MRC2: variants seen among roughly 807,000 people sequenced by gnomAD.
The protein encoded by MRC2 is C-type mannose receptor 2.
A neutral mutation model predicts 206.2 loss-of-function variants in MRC2; 84 were observed. The ratio of observed to expected loss-of-function variants is 0.41; its 90% CI spans 0.34 to 0.49. The LOEUF (loss-of-function observed/expected upper bound fraction) is 0.49, where lower values mean the gene tolerates loss of function less well. Ranked by LOEUF, MRC2 falls within the 20% of genes least tolerant of loss-of-function variation. MRC2 has a pLI of 0.31. For missense variants in MRC2, 1,676 were observed against 2,001.5 expected (o/e 0.84, Z 3.10); for synonymous variants, 798 against 800.0 (o/e 1.00, Z 0.04).
intron 1 of MRC2, among the ~76,000 whole-genome samples, chr17:62,650,080 A>G (rs1395336110): frequency 6.6e-6 from 1 of 151,994 alleles, no homozygotes; most frequent in East Asian, 1.9e-4. Flanking sequence ...TTTTTAGTAG[A>G]GACGGTGTCT....
intron 1 of MRC2, among the ~76,000 whole-genome samples, chr17:62,644,639 T>G (rs1350416102): frequency 1.3e-5 from 2 of 152,062 alleles, no homozygotes; most frequent in Non-Finnish European, 2.9e-5. Flanking sequence ...CCCAGCAGCA[T>G]TTGTGTCCTG....
At chr17:62,646,094 G>A (rs909873687) in intron 1 of MRC2, among the ~76,000 whole-genome samples, 2 of 144,872 alleles carry the variant, frequency 1.4e-5, no homozygotes, top group African/African-American at 2.6e-5. Context: ...GTGCGATCTC[G>A]GCTCACTGCA....
rs201713767 is a variant in MRC2 at position 62,688,847 on chromosome 17, C to A, written c.3226-5C>A. The A allele has an allele frequency of 1.9e-6, 3 of 1,607,090 alleles. No homozygotes were observed. The highest frequency in any genetic ancestry group is 1.3e-5 in the African/African-American group (1 of 74,854). On this transcript the variant is annotated splice_polypyrimidine_tract_variant and splice_region_variant and intron_variant, in intron 22 of 29. Transcript: ENST00000303375. ...GGGCTCCCCTGAGCAGCTCCCTCCC[C>A]CCAGACCAGCTGTGCAGTGGTCCTG...
At chr17:62,653,330 G>A (rs760651032) in intron 1 of MRC2, among the ~76,000 whole-genome samples, 5 of 152,082 alleles carry the variant, frequency 3.3e-5, no homozygotes, top group Non-Finnish European at 5.9e-5. Flanking sequence ...AGAACCCCAG[G>A]GGCGGGGCTA....
At position 62,682,399 on chromosome 17, in the gene MRC2, C is replaced by T. The variant is rs537086109; in HGVS notation, c.2946+22C>T. The T allele has an allele frequency of 1.2e-5, 19 of 1,598,110 alleles. No individual in the cohort carries two copies. The African/African-American group carries it at 2.0e-4, about 17-fold the overall frequency. The stretch of plus-strand genomic sequence containing the variant: ...CAAGGTAGGAGGTGGCAATGGGGCA[C>T]CCAAGGGAGTCAGGGGAGAGGACGT... On this transcript the variant is annotated intron_variant, in intron 20 of 29. Transcript: ENST00000303375.
intron 1 of MRC2, among the ~76,000 whole-genome samples, chr17:62,648,815 T>C (rs567330806): frequency 1.3e-5 from 2 of 152,334 alleles, no homozygotes; most frequent in African/African-American, 4.8e-5. Flanking sequence ...TCTTATCGTT[T>C]CTTCTTATCC....
At position 62,666,036 on chromosome 17, in the gene MRC2, G is replaced by T; in HGVS notation, c.521-58G>T. The T allele has an allele frequency of 6.6e-7, 1 of 1,519,758 alleles. No homozygotes were observed. The highest frequency in any genetic ancestry group is 2.1e-5 in the Admixed American group (1 of 46,634). The allele number at this position is 1,519,758 out of a possible 1,614,324, so 94.1% of individuals were successfully genotyped here. On this transcript the variant is annotated intron_variant, in intron 2 of 29. Coordinates refer to ENST00000303375, the MANE Select transcript of MRC2 (RefSeq NM_006039.5). This position sits in a 1 kb window ranked among gnomAD's most constrained non-coding sequence, Gnocchi z 5.0. ...GGGGATTTCTCCTGAGGGTCGAGGG[G>T]CTTGGCAGCCTCTGGTGTCCAGATG...
chr17:62,639,013 A>G (rs1489273913), intron 1 of MRC2, among the ~76,000 whole-genome samples: 2 of 152,220 alleles, frequency 1.3e-5, no homozygotes, highest in East Asian at 3.9e-4. Flanking sequence ...ACTTGAGGAA[A>G]TTCAGATAGC....
At chr17:62,658,340 G>A (rs1039360638) in intron 1 of MRC2, among the ~76,000 whole-genome samples, 2 of 152,220 alleles carry the variant, frequency 1.3e-5, no homozygotes, top group Admixed American at 1.3e-4. Flanking sequence ...AACATGCCAT[G>A]CACCTAGCAG....
intron 1 of MRC2, among the ~76,000 whole-genome samples, chr17:62,648,142 G>A (rs1000837708): frequency 2.0e-5 from 3 of 152,204 alleles, no homozygotes; most frequent in African/African-American, 4.8e-5. Context: ...AGTGGCTCAC[G>A]CCTGCTATCC....
intron 1 of MRC2, among the ~76,000 whole-genome samples, chr17:62,654,003 G>C (rs1287256048): frequency 6.6e-6 from 1 of 152,164 alleles, no homozygotes; most frequent in Non-Finnish European, 1.5e-5. Context: ...GCAGGGTGGG[G>C]CTGGCAGCTT....
intron 1 of MRC2, among the ~76,000 whole-genome samples, chr17:62,635,977 C>G (rs1463488076): frequency 6.6e-6 from 1 of 151,646 alleles, no homozygotes; most frequent in Non-Finnish European, 1.5e-5. Flanking sequence ...TTAGTAGAGA[C>G]AGGGTTTCAC....
intron 6 of MRC2, among the ~76,000 whole-genome samples, chr17:62,670,626 C>T (rs1366968714): frequency 6.6e-6 from 1 of 152,222 alleles, no homozygotes; most frequent in African/African-American, 2.4e-5. Flanking sequence ...GATCCCAACC[C>T]CTAGAAGGTG....
At chr17:62,674,304 C>T in intron 9 of MRC2, 134 bp downstream of exon 9, 3 of 627,648 alleles carry the variant, frequency 4.8e-6, no homozygotes, top group Non-Finnish European at 8.1e-6. Flanking sequence ...CTGAGCTCTC[C>T]AAACTGCTCC....
At chr17:62,647,186 CTT>C (rs34733419) in intron 1 of MRC2, among the ~76,000 whole-genome samples, 10 of 136,316 alleles carry the variant, frequency 7.3e-5, no homozygotes, top group Admixed American at 2.3e-4. Context: ...TTTTCTTTTT[CTT>C]TTTTTTTTTT....
At chr17:62,690,540 A>G in intron 26 of MRC2, 102 bp from the exon 27 acceptor site, 2 of 1,492,026 alleles carry the variant, frequency 1.3e-6, no homozygotes, top group Non-Finnish European at 1.8e-6. Flanking sequence ...ACTCCACACC[A>G]TCCTCTACTC....
rs768024554 is a variant in MRC2 at position 62,676,466 on chromosome 17, C to T, written c.1769C>T (p.Thr590Ile). The change falls in exon 11 of 30, where the codon ACC becomes ATC. Residue 590 changes from threonine (T) to isoleucine (I), a missense_variant. Thr to Ile is a moderately conservative substitution (Grantham distance 89, BLOSUM62 -1). Around this residue, in one of 3 missense-constraint regions of MRC2, gnomAD observed 1,354 missense variants for 1,636.6 expected, o/e 0.83. Coordinates refer to ENST00000303375, the MANE Select transcript of MRC2 (RefSeq NM_006039.5). ...FWTALQDLNS[T>I]GSFFWLSGDE... Reference sequence around the variant, plus strand: ...ACGGCCCTGCAGGACCTCAACAGCACCGGCTCCTTCTTCTGGCTCAGTGGG... The same window carrying T: ...ACGGCCCTGCAGGACCTCAACAGCATCGGCTCCTTCTTCTGGCTCAGTGGG... 6 of 1,613,444 alleles carry T rather than the reference C, an allele frequency of 3.7e-6. No individual in the cohort carries two copies. Among genetic ancestry groups the T allele is most frequent in the Non-Finnish European group, 5.1e-6 (6 of 1,179,678 alleles).
chr17:62,660,402 G>T (rs1055778403), intron 1 of MRC2, among the ~76,000 whole-genome samples: 6 of 152,158 alleles, frequency 3.9e-5, no homozygotes, highest in Non-Finnish European at 8.8e-5. Flanking sequence ...GCATTTGCAG[G>T]GTAGGGTTCT....
chr17:62,680,580 G>A lies in MRC2; in HGVS notation c.2473+127G>A, dbSNP rs916496990. On this transcript the variant is annotated intron_variant, in intron 16 of 29. Coordinates refer to ENST00000303375, the MANE Select transcript of MRC2 (RefSeq NM_006039.5). The surrounding 1 kb of genome is among the most constrained non-coding windows in gnomAD (Gnocchi z 4.8). ...TTCCGGTCGAGAGAAGGGGGACGGG[G>A]TTGGCTCGGACGGAGGCAGCCACAG... The A allele has an allele frequency of 2.8e-6, 4 of 1,418,518 alleles. No homozygotes were observed. Among genetic ancestry groups the A allele is most frequent in the Non-Finnish European group, 3.9e-6 (4 of 1,032,046 alleles). 87.9% of individuals were successfully genotyped at this position (1,418,518 alleles called of 1,614,324 possible).
Sources: gnomAD v4.1 joint callset for allele counts (sites outside exome capture counted in the v4.1 genomes callset) on GRCh38, gnomAD v4.1.1 for gene constraint, gnomAD v4.1.1 regional missense constraint, Gnocchi (gnomAD v3.1) non-coding constraint, MANE v1.5 for transcripts, NCBI Gene and HGNC (gene_info 2026-07-23, HGNC 2026-07-21) for gene names.